CCDC88A: variants seen among roughly 807,000 people sequenced by gnomAD.
CCDC88A encodes coiled-coil and HOOK domain protein 88A.
CCDC88A carries 54 observed loss-of-function variants against 234.3 expected under a neutral mutation model. The ratio of observed to expected loss-of-function variants is 0.23; its 90% confidence interval spans 0.19 to 0.29. The LOEUF (loss-of-function observed/expected upper bound fraction) is 0.29. CCDC88A is among the 10% of genes least tolerant of loss of function. The pLI is 1.00. For synonymous variants in CCDC88A, 753 were observed against 737.8 expected, an observed-to-expected ratio of 1.02 and a Z score of -0.33; for missense variants, 1,832 against 2,123.4, an observed-to-expected ratio of 0.86 and a Z score of 2.70.
intron 9 of CCDC88A, 50 bp from the exon 10 acceptor site, chr2:55,346,383 G>A: frequency 2.0e-6 from 2 of 1,001,602 alleles, no homozygotes; most frequent in South Asian, 3.4e-5. Flanking sequence ...TTATCAACTT[G>A]TTATTCTTTG....
intron 2 of CCDC88A, 175 bp downstream of exon 2, chr2:55,418,641 T>C (rs905299050): frequency 8.3e-6 from 5 of 600,112 alleles, no homozygotes; most frequent in African/African-American, 7.4e-5. Context: ...AATATCTAGG[T>C]TGTGATAATG....
chr2:55,385,632 C>G (rs770654705), intron 3 of CCDC88A, among the ~76,000 whole-genome samples: 26 of 151,724 alleles, frequency 1.7e-4, no homozygotes, highest in Non-Finnish European at 2.9e-4. Flanking sequence ...GCGCGTGGAT[C>G]ATCTGAGGTC....
chr2:55,335,165 C>A lies in CCDC88A; in HGVS notation c.1657-1G>T. 2 of 1,453,356 alleles carry A rather than the reference C, an allele frequency of 1.4e-6. No homozygotes were observed. Among genetic ancestry groups the A allele is most frequent in the Non-Finnish European group, 9.1e-7 (1 of 1,099,518 alleles). 90.0% of individuals were successfully genotyped at this position (1,453,356 alleles called of 1,614,324 possible). On this transcript the variant is annotated splice_acceptor_variant, in intron 14 of 32. Transcript: ENST00000436346. LOFTEE classifies it high-confidence loss of function. This position sits in a 1 kb window ranked among gnomAD's most constrained non-coding sequence, Gnocchi z 4.5. ...CATTTTCCTGTTCCAGTATCTTAAT[C>A]TAATTTGAAAAGAAAATAATTAAAA...
In CCDC88A at chr2:55,317,552, A is replaced by G. The variant is rs774775042; in HGVS notation, c.3602+12T>C. The G allele has an allele frequency of 3.3e-6, 5 of 1,524,088 alleles. No individual in the cohort carries two copies. The East Asian group carries it at 6.9e-5, about 21-fold the overall frequency. 94.4% of individuals were successfully genotyped at this position (1,524,088 alleles called of 1,614,324 possible). A position where few individuals can be genotyped will look rare whatever the true frequency, so the allele number is the denominator to read the frequency against. ...TTTTAAATTCACAGTACAACAAAATATAATAAATTACCGGTCTTCAAGGTC... is the reference window on the plus strand; with the variant it reads ...TTTTAAATTCACAGTACAACAAAATGTAATAAATTACCGGTCTTCAAGGTC... On this transcript the variant is annotated intron_variant, in intron 20 of 32. Transcript: ENST00000436346. The surrounding 1 kb of genome is among the most constrained non-coding windows in gnomAD (Gnocchi z 4.2).
chr2:55,397,781 C>T (rs1449555619), intron 2 of CCDC88A, among the ~76,000 whole-genome samples: 5 of 152,066 alleles, frequency 3.3e-5, no homozygotes, highest in African/African-American at 1.2e-4. Flanking sequence ...GGAAATTCTA[C>T]AGTCGCTGCA....
Position 55,295,787 on chromosome 2 carries a change from A to G in CCDC88A, c.5361T>C (p.Ser1787=). ...TQGKIKLVKE[S]SLSRQSKDSN... ...TATCTTTTGATTGTCGTGACAGAGA[A>G]GATTCTTTTACTAATTTTATTTTTC... Residue 1787 remains serine, a synonymous_variant, in exon 31 of 33, where the codon TCT becomes TCC. Coordinates refer to ENST00000436346, the MANE Select transcript of CCDC88A (RefSeq NM_001365480.1). 1 of 1,614,208 alleles carries G rather than the reference A, an allele frequency of 6.2e-7. No individual in the cohort carries two copies.
chr2:55,360,119 GATA>G (rs1490506346), intron 7 of CCDC88A, among the ~76,000 whole-genome samples: 1 of 152,130 alleles, frequency 6.6e-6, no homozygotes, highest in East Asian at 1.9e-4. Flanking sequence ...AATAAATAGT[GATA>G]ATAAAGAGAT....
intron 25 of CCDC88A, among the ~76,000 whole-genome samples, chr2:55,305,401 G>A (rs1020728800): frequency 1.3e-5 from 2 of 152,184 alleles, no homozygotes; most frequent in African/African-American, 4.8e-5. Context: ...CTAAACAACT[G>A]TAGGAAAGGA....
At chr2:55,380,061 T>TAA (rs57314271) in intron 3 of CCDC88A, among the ~76,000 whole-genome samples, 2,461 of 75,372 alleles carry the variant, frequency 0.033, 294 homozygotes, top group African/African-American at 0.086. Flanking sequence ...CTGTCTCTAC[T>TAA]AAAAAAAAAA....
intron 2 of CCDC88A, chr2:55,406,232 C>G (rs1425505413): frequency 6.6e-6 from 1 of 151,668 alleles, no homozygotes; most frequent in Non-Finnish European, 1.5e-5. Context: ...GAAATATAGT[C>G]TAATTCATTT....
At chr2:55,383,777 G>A (rs965860431) in intron 3 of CCDC88A, among the ~76,000 whole-genome samples, 1 of 152,176 alleles carries the variant, frequency 6.6e-6, no homozygotes. Context: ...GGTAATTTAA[G>A]GGCTGATGAG....
Position 55,296,325 on chromosome 2 carries a change from G to T in CCDC88A, c.5024C>A (p.Ser1675Tyr), listed in dbSNP as rs1444935529. ...ESRHHKIKTG[S>Y]PGSEVVTLQQ... is the part of the protein sequence containing the mutation. ...TAGAGTAACAACTTCACTTCCAGGG[G>T]AACCAGTTTTGATCTTGTGATGTCG... is the stretch of plus-strand genomic sequence containing the variant. The change falls in exon 30 of 33, where the codon TCC becomes TAC. Residue 1675 changes from serine to tyrosine, a missense_variant. By Grantham distance (144) the Ser-to-Tyr change is moderately radical. Transcript: ENST00000436346. The T allele has an allele frequency of 1.2e-6, 2 of 1,613,974 alleles. No individual in the cohort carries two copies. Among genetic ancestry groups the T allele is most frequent in the Admixed American group, 1.7e-5 (1 of 60,002 alleles).
intron 2 of CCDC88A, among the ~76,000 whole-genome samples, chr2:55,413,227 A>G (rs1277575084): frequency 2.6e-5 from 4 of 152,146 alleles, no homozygotes; most frequent in South Asian, 4.1e-4. Context: ...CAAACAAACA[A>G]AAAAACTAAG....
intron 17 of CCDC88A, among the ~76,000 whole-genome samples, chr2:55,325,276 T>G (rs1376674222): frequency 2.0e-5 from 3 of 152,222 alleles, no homozygotes. Context: ...TTCCTTAAAT[T>G]CATCCATAAG....
At chr2:55,412,201 G>A (rs905269038) in intron 2 of CCDC88A, among the ~76,000 whole-genome samples, 1 of 152,162 alleles carries the variant, frequency 6.6e-6, no homozygotes, top group African/African-American at 2.4e-5. Context: ...TAATATGTGA[G>A]ACAAAACATC....
chr2:55,371,600 T>C (rs1051397907), intron 5 of CCDC88A, among the ~76,000 whole-genome samples: 1 of 152,150 alleles, frequency 6.6e-6, no homozygotes, highest in Non-Finnish European at 1.5e-5. Flanking sequence ...AGAGTAATCA[T>C]CCTGGTTTGC....
At chr2:55,355,069 T>C (rs1327642504) in intron 8 of CCDC88A, among the ~76,000 whole-genome samples, 5 of 151,486 alleles carry the variant, frequency 3.3e-5, no homozygotes, top group Non-Finnish European at 5.9e-5. Context: ...AATGTCGTTA[T>C]GTGGCACATG....
chr2:55,298,968 G>A (rs1302987388), intron 29 of CCDC88A, among the ~76,000 whole-genome samples: 2 of 151,942 alleles, frequency 1.3e-5, no homozygotes, highest in East Asian at 3.9e-4. Context: ...GGGAGGCCAA[G>A]GCAGGTGGAT....
chr2:55,413,277 G>A (rs1025749841), intron 2 of CCDC88A, among the ~76,000 whole-genome samples: 2 of 152,116 alleles, frequency 1.3e-5, no homozygotes, highest in Admixed American at 6.6e-5. Context: ...CCATAAGTAG[G>A]TAGATATAGC....
Sources: gnomAD v4.1 joint callset for allele counts (sites outside exome capture counted in the v4.1 genomes callset) on GRCh38, gnomAD v4.1.1 for gene constraint, Gnocchi (gnomAD v3.1) non-coding constraint, MANE v1.5 for transcripts, NCBI Gene and HGNC (gene_info 2026-07-23, HGNC 2026-07-21) for gene names.